Variants in RGS9 observed in about 807,000 individuals in gnomAD.
The protein encoded by RGS9 is regulator of G-protein signalling 9.
RGS9 carries 78 observed loss-of-function variants against 102.0 expected under a neutral mutation model. The observed-to-expected ratio is 0.76, with a 90% confidence interval of 0.64 to 0.92. The LOEUF (loss-of-function observed/expected upper bound fraction) is 0.92, where lower values mean the gene tolerates loss of function less well. RGS9 is among the 40% of genes least tolerant of loss of function. The pLI is 0.00. For synonymous variants in RGS9, 353 were observed against 318.6 expected, an observed-to-expected ratio of 1.11 and a Z score of -1.15; for missense variants, 833 against 866.1, an observed-to-expected ratio of 0.96 and a Z score of 0.48.
intron 1 of RGS9, among the ~76,000 whole-genome samples, chr17:65,143,199 C>T (rs1233133089): frequency 6.6e-6 from 1 of 152,094 alleles, no homozygotes; most frequent in Non-Finnish European, 1.5e-5. Flanking sequence ...GGGTGGAGGA[C>T]ATGAATGCTG....
At chr17:65,138,913 T>C (rs891076962) in intron 1 of RGS9, among the ~76,000 whole-genome samples, 2 of 86,220 alleles carry the variant, frequency 2.3e-5, no homozygotes, top group Non-Finnish European at 5.7e-5. Context: ...AGTGTCTTGG[T>C]CTCTAGTTTC....
chr17:65,196,627 A>G (rs897382295), intron 12 of RGS9, among the ~76,000 whole-genome samples: 1 of 152,248 alleles, frequency 6.6e-6, no homozygotes, highest in African/African-American at 2.4e-5. Flanking sequence ...GGCCTGAGGC[A>G]GGTACAGGAG....
At chr17:65,168,564 T>TA (rs1202203800) in intron 8 of RGS9, among the ~76,000 whole-genome samples, 1 of 150,846 alleles carries the variant, frequency 6.6e-6, no homozygotes, top group Non-Finnish European at 1.5e-5. Context: ...TTTTTTTTTT[T>TA]TTTGCTAGGA....
intron 12 of RGS9, among the ~76,000 whole-genome samples, chr17:65,194,349 C>T (rs770281287): frequency 3.3e-5 from 5 of 152,010 alleles, no homozygotes; most frequent in Admixed American, 1.3e-4. Flanking sequence ...ATGAAGAATG[C>T]GGCTATGAAC....
At chr17:65,186,208 T>G (rs1424156836) in intron 9 of RGS9, among the ~76,000 whole-genome samples, 2 of 148,688 alleles carry the variant, frequency 1.3e-5, no homozygotes, top group Admixed American at 1.3e-4. Flanking sequence ...ATTTATTTAT[T>G]TATTCTGAGA....
rs367629003 is a variant in RGS9 at position 65,217,498 on chromosome 17, T to A, written c.1407+6893T>A. ...GAAATCACTGGGGATTTTGAGTGGG[T>A]GATTTCAGCAGAATAGTGAAGGAAG... On this transcript the variant is annotated intron_variant, in intron 17 of 18. Coordinates refer to ENST00000262406, the MANE Select transcript of RGS9 (RefSeq NM_003835.4). Among the ~76,000 whole-genome samples, 18 of 152,306 alleles carry A rather than the reference T, an allele frequency of 1.2e-4. No individual in the cohort carries two copies. The East Asian group carries it at 2.3e-3, about 20-fold the overall frequency.
intron 7 of RGS9, among the ~76,000 whole-genome samples, chr17:65,167,693 G>A (rs1198424385): frequency 6.6e-6 from 1 of 152,192 alleles, no homozygotes; most frequent in Non-Finnish European, 1.5e-5. Context: ...GCCCAAACAG[G>A]GAAAAGTTAA....
At chr17:65,204,046 C>G in intron 14 of RGS9, 117 bp from the exon 15 acceptor site, 1 of 1,250,660 alleles carries the variant, frequency 8.0e-7, no homozygotes, top group South Asian at 1.3e-5. Context: ...CTAAAAAAAC[C>G]ACCACCCTCA....
chr17:65,218,293 G>A (rs976342542), intron 17 of RGS9, among the ~76,000 whole-genome samples: 1 of 152,252 alleles, frequency 6.6e-6, no homozygotes, highest in African/African-American at 2.4e-5. Context: ...TCTTCCAGCA[G>A]TCATTGACTA....
In RGS9 at chr17:65,227,592, CCTT is replaced by C. The variant is rs966373293; in HGVS notation, c.*188_*190del. 15 of 764,870 alleles carry C rather than the reference CCTT, an allele frequency of 2.0e-5. No homozygotes were observed. Among genetic ancestry groups the C allele is most frequent in the Middle Eastern group, 3.7e-4 (1 of 2,692 alleles). The allele number at this position is 764,870 out of a possible 1,614,324, so 47.4% of individuals were successfully genotyped here. ...TCTGGCTGGTTACCAGGGGCCAACT[CCTT>C]CTCCTCTTCCTGACCCTCCCTCCCC... On this transcript the variant is annotated 3_prime_UTR_variant, in exon 19 of 19. Coordinates refer to ENST00000262406, the MANE Select transcript of RGS9 (RefSeq NM_003835.4).
intron 18 of RGS9, among the ~76,000 whole-genome samples, chr17:65,226,468 G>T (rs1012575171): frequency 6.6e-6 from 1 of 152,134 alleles, no homozygotes; most frequent in African/African-American, 2.4e-5. Context: ...GTGTGAGTGT[G>T]TCTATTGATT....
chr17:65,201,903 C>A, intron 13 of RGS9, 90 bp from the exon 14 acceptor site: 1 of 877,564 alleles, frequency 1.1e-6, no homozygotes, highest in Non-Finnish European at 1.9e-6. Context: ...TGGAATCCAT[C>A]CCGGTTGACT....
At chr17:65,192,431 A>G (rs1489107156) in intron 11 of RGS9, among the ~76,000 whole-genome samples, 3 of 151,898 alleles carry the variant, frequency 2.0e-5, no homozygotes, top group Non-Finnish European at 4.4e-5. Context: ...CCTGGGCAAC[A>G]TAGTGAGACC....
intron 9 of RGS9, among the ~76,000 whole-genome samples, chr17:65,187,966 G>A (rs1438433914): frequency 6.6e-6 from 1 of 152,166 alleles, no homozygotes; most frequent in African/African-American, 2.4e-5. Context: ...ATGCACTGCA[G>A]CCTGGCAACA....
At chr17:65,218,263 C>T (rs1330515932) in intron 17 of RGS9, among the ~76,000 whole-genome samples, 1 of 152,190 alleles carries the variant, frequency 6.6e-6, no homozygotes, top group Non-Finnish European at 1.5e-5. Context: ...GGGATGGCCA[C>T]GGGAAAGAGG....
Position 65,158,317 on chromosome 17 carries a change from C to T in RGS9, c.177C>T (p.Ile59=), listed in dbSNP as rs1345257664. ...AMTGSDVLQW[I]VQRLWISSLE... ...CAGGAAGTGATGTTCTGCAATGGAT[C>T]GTCCAGCGGCTTTGGATCTCCAGTC... Residue 59 remains isoleucine (I), a synonymous_variant, in exon 3 of 19, where the codon ATC becomes ATT. Transcript: ENST00000262406. 18 of 1,614,040 alleles carry T rather than the reference C, an allele frequency of 1.1e-5. No homozygotes were observed. The highest frequency in any genetic ancestry group is 3.3e-4 in the Middle Eastern group (2 of 6,084).
chr17:65,197,715 C>G (rs1912652398), intron 13 of RGS9, among the ~76,000 whole-genome samples: 1 of 151,486 alleles, frequency 6.6e-6, no homozygotes, highest in Non-Finnish European at 1.5e-5. Flanking sequence ...TGTCGCCCAG[C>G]CTGGAGTGCA....
At chr17:65,197,373 T>C in intron 13 of RGS9, 132 bp downstream of exon 13, 1 of 701,822 alleles carries the variant, frequency 1.4e-6, no homozygotes, top group Non-Finnish European at 2.5e-6. Context: ...AAACAGTTGC[T>C]TCCTTTCACA....
At chr17:65,184,527 C>A (rs1912028374) in intron 9 of RGS9, among the ~76,000 whole-genome samples, 1 of 151,998 alleles carries the variant, frequency 6.6e-6, no homozygotes, top group Non-Finnish European at 1.5e-5. Context: ...CTCTTTTTTT[C>A]TATTCTCCTT....
Sources: gnomAD v4.1 joint callset for allele counts (sites outside exome capture counted in the v4.1 genomes callset) on GRCh38, gnomAD v4.1.1 for gene constraint, MANE v1.5 for transcripts, NCBI Gene and HGNC (gene_info 2026-07-23, HGNC 2026-07-21) for gene names.